DCDC1: variants seen among roughly 807,000 people sequenced by gnomAD.
DCDC1 encodes doublecortin domain containing 1, also known as doublecortin domain-containing protein 1.
In DCDC1, 200 loss-of-function variants were observed where a neutral mutation model predicts 178.3. The observed-to-expected ratio is 1.12, with a 90% CI of 1.00 to 1.26. The LOEUF is 1.26. DCDC1 is among the 50% of genes most tolerant of loss of function. The pLI is 0.00. For synonymous variants in DCDC1, 690 were observed against 604.8 expected (o/e 1.14, Z -2.07); for missense variants, 1,983 against 1,749.2 (o/e 1.13, Z -2.38).
intron 3 of DCDC1, among the ~76,000 whole-genome samples, chr11:31,327,229 C>A (rs1045464890): frequency 6.6e-6 from 1 of 152,032 alleles, no homozygotes; most frequent in Non-Finnish European, 1.5e-5. Flanking sequence ...AGTGCAATGG[C>A]GCGATCTTGG....
intron 7 of DCDC1, among the ~76,000 whole-genome samples, chr11:31,288,268 C>T (rs1565555021): frequency 6.6e-6 from 1 of 151,764 alleles, no homozygotes; most frequent in Non-Finnish European, 1.5e-5. Flanking sequence ...TTTTTCAAAC[C>T]ATGGATGTGT....
At chr11:30,883,646 C>A in intron 36 of DCDC1, 6 of 203,152 alleles carry the variant, frequency 3.0e-5, no homozygotes, top group South Asian at 1.3e-4. Context: ...ACACTGAATA[C>A]CAAAGAAAAT....
At chr11:31,191,384 C>G (rs1157700990) in intron 9 of DCDC1, among the ~76,000 whole-genome samples, 3 of 151,942 alleles carry the variant, frequency 2.0e-5, no homozygotes, top group Admixed American at 2.0e-4. Flanking sequence ...TACTAGTATT[C>G]CCTTTAGCAT....
Position 31,164,894 on chromosome 11 carries a change from C to T in DCDC1, c.1222-27110G>A, listed in dbSNP as rs117402972. Among the ~76,000 whole-genome samples the T allele has an allele frequency of 9.6e-3, 1,459 of 152,284 alleles. 40 individuals carry two copies. Among genetic ancestry groups the T allele is most frequent in the Admixed American group, 0.066 (1,003 of 15,284 alleles). On this transcript the variant is annotated intron_variant, in intron 9 of 38. Coordinates refer to ENST00000684477, the MANE Select transcript of DCDC1 (RefSeq NM_001387274.1). ...CTAGAGCAACTTCCAGTCCTGTAAGCGCCATTCGTGGTAAGTGCCCTGTAC... is the reference window on the plus strand; with the variant it reads ...CTAGAGCAACTTCCAGTCCTGTAAGTGCCATTCGTGGTAAGTGCCCTGTAC...
At position 30,945,778 on chromosome 11, in the gene DCDC1, A is replaced by T. The variant is rs1257677741; in HGVS notation, c.2715+6667T>A. 4.0e-5 allele frequency among the ~76,000 whole-genome samples: 6 copies of T among 151,480 alleles called. No homozygotes were observed. In the East Asian group the frequency reaches 9.8e-4, roughly 25 times the overall value. ...TGTCTGTCTATCTATCTATAGATAGATATGCACAATCTATGAAATTTGTAA... is the reference window on the plus strand; with the variant it reads ...TGTCTGTCTATCTATCTATAGATAGTTATGCACAATCTATGAAATTTGTAA... On this transcript the variant is annotated intron_variant, in intron 21 of 38. Coordinates refer to ENST00000684477, the MANE Select transcript of DCDC1 (RefSeq NM_001387274.1).
At chr11:30,999,903 A>T (rs1951477140) in intron 20 of DCDC1, among the ~76,000 whole-genome samples, 1 of 152,196 alleles carries the variant, frequency 6.6e-6, no homozygotes, top group Non-Finnish European at 1.5e-5. Flanking sequence ...CAAATTGCAA[A>T]GAGAACTGAG....
Position 31,091,387 on chromosome 11 carries a change from C to T in DCDC1, c.2237+6G>A. 1.4e-6 allele frequency: 1 copy of T among 725,850 alleles called. No homozygotes were observed. Among genetic ancestry groups the T allele is most frequent in the Non-Finnish European group, 2.5e-6 (1 of 395,942 alleles). The allele number at this position is 725,850 out of a possible 1,614,324, so 45.0% of individuals were successfully genotyped here. A position where few individuals can be genotyped will look rare whatever the true frequency, so the allele number is the denominator to read the frequency against. ...TATCTTGAGCTAAATAATTTATAAG[C>T]ATTACCTTTTCTGTAAGATTAATTT... On this transcript the variant is annotated splice_donor_region_variant and intron_variant, in intron 17 of 38. Coordinates refer to ENST00000684477, the MANE Select transcript of DCDC1 (RefSeq NM_001387274.1).
At chr11:30,983,990 T>C (rs1056192962) in intron 20 of DCDC1, among the ~76,000 whole-genome samples, 3 of 152,184 alleles carry the variant, frequency 2.0e-5, no homozygotes, top group Admixed American at 6.5e-5. Context: ...TTCTCCTTTA[T>C]ATACAATAGT....
chr11:31,015,218 G>T (rs979080076), intron 20 of DCDC1, among the ~76,000 whole-genome samples: 1 of 152,022 alleles, frequency 6.6e-6, no homozygotes, highest in Non-Finnish European at 1.5e-5. Context: ...AAAGTGCTGG[G>T]ATTACAGGCT....
At chr11:31,056,850 C>G (rs1209756876) in intron 20 of DCDC1, among the ~76,000 whole-genome samples, 1 of 151,996 alleles carries the variant, frequency 6.6e-6, no homozygotes, top group Non-Finnish European at 1.5e-5. Flanking sequence ...AACACTGCAC[C>G]CCCAAACTTC....
chr11:31,048,952 T>C (rs1955062115), intron 20 of DCDC1, among the ~76,000 whole-genome samples: 1 of 152,128 alleles, frequency 6.6e-6, no homozygotes, highest in African/African-American at 2.4e-5. Flanking sequence ...TCTTAACTTA[T>C]TTGAAATCAA....
chr11:30,936,832 C>T (rs191763244), intron 21 of DCDC1, among the ~76,000 whole-genome samples: 1 of 152,264 alleles, frequency 6.6e-6, no homozygotes. Flanking sequence ...TATGGTGATA[C>T]GTAGGTTCTA....
intron 9 of DCDC1, among the ~76,000 whole-genome samples, chr11:31,202,842 G>GA (rs1475230130): frequency 1.3e-5 from 2 of 152,042 alleles, no homozygotes; most frequent in Non-Finnish European, 2.9e-5. Flanking sequence ...AAGAGGCCAG[G>GA]AAAAAACAAG....
At chr11:30,927,337 T>C (rs2134284865) in intron 22 of DCDC1, among the ~76,000 whole-genome samples, 1 of 151,604 alleles carries the variant, frequency 6.6e-6, no homozygotes, top group Middle Eastern at 3.4e-3. Flanking sequence ...AAAAGTTAGT[T>C]GGGAGTTCCT....
intron 7 of DCDC1, among the ~76,000 whole-genome samples, chr11:31,284,103 T>C (rs1946649750): frequency 6.6e-6 from 1 of 152,146 alleles, no homozygotes; most frequent in Non-Finnish European, 1.5e-5. Flanking sequence ...TGTTGTCTAA[T>C]ACCTAAAAAT....
chr11:30,932,534 C>A (rs1306382174), intron 21 of DCDC1, among the ~76,000 whole-genome samples: 1 of 152,102 alleles, frequency 6.6e-6, no homozygotes, highest in African/African-American at 2.4e-5. Context: ...ACCATATATT[C>A]TAGGCATGAT....
intron 3 of DCDC1, among the ~76,000 whole-genome samples, chr11:31,308,493 G>C (rs575940057): frequency 4.6e-5 from 7 of 152,254 alleles, no homozygotes; most frequent in East Asian, 1.9e-4. Context: ...GTCGGTAAAG[G>C]CTTCACAGCA....
chr11:31,153,425 C>T (rs1358462569), intron 9 of DCDC1, among the ~76,000 whole-genome samples: 2 of 152,166 alleles, frequency 1.3e-5, no homozygotes, highest in Non-Finnish European at 1.5e-5. Context: ...TCTGGGAATT[C>T]CCACTGTAAT....
chr11:31,106,376 C>T (rs1393440042), intron 13 of DCDC1, among the ~76,000 whole-genome samples: 5 of 152,170 alleles, frequency 3.3e-5, no homozygotes, highest in African/African-American at 1.2e-4. Context: ...TGCTTAAGAT[C>T]CTTTTCAATT....
Sources: allele counts gnomAD v4.1 joint callset (sites outside exome capture counted in the v4.1 genomes callset), GRCh38; gene constraint gnomAD v4.1.1; transcripts MANE v1.5; gene names NCBI Gene and HGNC (gene_info 2026-07-23, HGNC 2026-07-21).